Variants in DLG2 observed in about 807,000 individuals in gnomAD.
DLG2 encodes the protein discs large MAGUK scaffold protein 2, also known as disks large homolog 2.
DLG2 carries 45 observed loss-of-function variants against 132.5 expected under a neutral mutation model. The ratio of observed to expected loss-of-function variants is 0.34; its 90% confidence interval spans 0.27 to 0.44. The LOEUF (loss-of-function observed/expected upper bound fraction) is 0.44. DLG2 is among the 20% of genes least tolerant of loss of function. The pLI is 1.00. For missense variants in DLG2, 1,045 were observed against 1,196.9 expected (o/e 0.87, Z 1.87); for synonymous variants, 424 against 419.6 (o/e 1.01, Z -0.13).
intron 6 of DLG2, among the ~76,000 whole-genome samples, chr11:84,983,436 G>C (rs528981148): frequency 7.9e-5 from 12 of 152,186 alleles, no homozygotes; most frequent in African/African-American, 2.4e-4. Context: ...CCTAGGAAAA[G>C]GGGGAGAGTA....
At position 85,181,961 on chromosome 11, in the gene DLG2, T is replaced by C. The variant is rs1182582281; in HGVS notation, c.187-27310A>G. On this transcript the variant is annotated intron_variant, in intron 4 of 27. Transcript: ENST00000376104. Reference sequence around the variant, plus strand: ...GACTGCATAGCATTCTGCTTTTGTATTTTTCAAATTTGCCTCATCTTTGTG... The same window carrying C: ...GACTGCATAGCATTCTGCTTTTGTACTTTTCAAATTTGCCTCATCTTTGTG... 2.0e-5 allele frequency among the ~76,000 whole-genome samples: 3 copies of C among 151,858 alleles called. No homozygotes were observed. In the East Asian group the frequency reaches 5.8e-4, roughly 29 times the overall value.
At chr11:85,181,088 A>C (rs182573374) in intron 4 of DLG2, among the ~76,000 whole-genome samples, 2 of 151,880 alleles carry the variant, frequency 1.3e-5, no homozygotes, top group Admixed American at 6.6e-5. Context: ...ATATTATTCA[A>C]TAATTTTTAT....
chr11:83,845,534 C>T (rs1331438777), intron 16 of DLG2, among the ~76,000 whole-genome samples: 1 of 152,114 alleles, frequency 6.6e-6, no homozygotes, highest in Non-Finnish European at 1.5e-5. Context: ...TGTTGAACTG[C>T]TATTTGAGGA....
At chr11:85,324,576 T>C (rs960186427) in intron 3 of DLG2, among the ~76,000 whole-genome samples, 3 of 152,214 alleles carry the variant, frequency 2.0e-5, no homozygotes, top group Non-Finnish European at 4.4e-5. Context: ...AGCTGAAATC[T>C]AGATTTTTAT....
intron 4 of DLG2, among the ~76,000 whole-genome samples, chr11:85,281,601 G>T (rs186013424): frequency 3.3e-5 from 5 of 151,812 alleles, no homozygotes; most frequent in African/African-American, 1.2e-4. Context: ...TTTCTATTTC[G>T]CTCATAGTAA....
At chr11:85,160,948 T>G (rs920359343) in intron 4 of DLG2, among the ~76,000 whole-genome samples, 1 of 151,916 alleles carries the variant, frequency 6.6e-6, no homozygotes, top group Non-Finnish European at 1.5e-5. Flanking sequence ...GCAGTGTACC[T>G]CGTTCCACAC....
rs190903461 is a variant in DLG2 at position 84,676,068 on chromosome 11, A to G, written c.358-141337T>C. Among the ~76,000 whole-genome samples the G allele has an allele frequency of 2.0e-5, 3 of 152,224 alleles. No homozygotes were observed. In the East Asian group the frequency reaches 5.8e-4, roughly 29 times the overall value. ...CATATTCCAGTCTAGTCTGACCTTT[A>G]CTAGTAACAAGGGTGGTACTATCAT... On this transcript the variant is annotated intron_variant, in intron 6 of 27. Transcript: ENST00000376104.
intron 19 of DLG2, among the ~76,000 whole-genome samples, chr11:83,586,679 A>G (rs2097092149): frequency 6.6e-6 from 1 of 152,208 alleles, no homozygotes; most frequent in African/African-American, 2.4e-5. Flanking sequence ...TAGCAGCTCT[A>G]TAGGGTAGAT....
At chr11:84,187,337 G>A (rs1379069589) in intron 8 of DLG2, among the ~76,000 whole-genome samples, 2 of 151,896 alleles carry the variant, frequency 1.3e-5, no homozygotes, top group African/African-American at 4.8e-5. Context: ...TCTACTTCAA[G>A]AGTATATATT....
rs78699285 is a variant in DLG2, at chr11:85,171,759, T to C, written c.187-17108A>G. On this transcript the variant is annotated intron_variant, in intron 4 of 27. Coordinates refer to ENST00000376104, the MANE Select transcript of DLG2 (RefSeq NM_001142699.3). The stretch of plus-strand genomic sequence containing the variant: ...CAGCCACCATCTCTGAAGTTAAGAG[T>C]GGGCCATTCTACCCTGCCAGCTCCA... Among the ~76,000 whole-genome samples the C allele has an allele frequency of 4.1e-3, 621 of 152,114 alleles. 5 individuals are homozygous for C. Among genetic ancestry groups the C allele is most frequent in the African/African-American group, 0.013 (560 of 41,512 alleles).
chr11:85,413,390 A>G (rs1455404819), intron 3 of DLG2, among the ~76,000 whole-genome samples: 1 of 152,032 alleles, frequency 6.6e-6, no homozygotes, highest in Non-Finnish European at 1.5e-5. Context: ...TTTGCTGTAC[A>G]AAAGCTCTTT....
At chr11:84,985,291 G>T (rs2056327917) in intron 6 of DLG2, among the ~76,000 whole-genome samples, 1 of 152,230 alleles carries the variant, frequency 6.6e-6, no homozygotes, top group East Asian at 1.9e-4. Flanking sequence ...TCAGACCACA[G>T]TGCGTTAAAA....
At chr11:83,662,288 A>G (rs1466869008) in intron 18 of DLG2, among the ~76,000 whole-genome samples, 1 of 152,182 alleles carries the variant, frequency 6.6e-6, no homozygotes. Flanking sequence ...GCAGGTCCAA[A>G]TGTCTTTCAA....
intron 6 of DLG2, among the ~76,000 whole-genome samples, chr11:84,886,014 G>A (rs182969105): frequency 3.9e-5 from 6 of 152,184 alleles, no homozygotes; most frequent in Non-Finnish European, 8.8e-5. Context: ...GATTAGTTAA[G>A]ACAGGGATCT....
intron 10 of DLG2, among the ~76,000 whole-genome samples, chr11:84,095,966 G>C (rs1000593236): frequency 1.3e-5 from 2 of 152,138 alleles, no homozygotes; most frequent in Non-Finnish European, 2.9e-5. Flanking sequence ...GCCAAAAAAA[G>C]GGAAATTGTG....
chr11:84,244,197 C>G (rs2097271665), intron 8 of DLG2, among the ~76,000 whole-genome samples: 1 of 151,004 alleles, frequency 6.6e-6, no homozygotes. Flanking sequence ...TTTTTTTTTT[C>G]CCTGAGGTGG....
At chr11:83,521,306 G>T (rs753788463) in intron 21 of DLG2, among the ~76,000 whole-genome samples, 14 of 152,198 alleles carry the variant, frequency 9.2e-5, no homozygotes, top group Non-Finnish European at 1.8e-4. Context: ...AGTCCTGGGG[G>T]AGAAGTGGAT....
chr11:84,032,038 T>G (rs188934982), intron 11 of DLG2, among the ~76,000 whole-genome samples: 2 of 152,282 alleles, frequency 1.3e-5, no homozygotes, highest in South Asian at 4.1e-4. Flanking sequence ...AATGTGTGTG[T>G]TCTTACTCTA....
At chr11:85,137,844 C>T (rs1053416479) in intron 5 of DLG2, among the ~76,000 whole-genome samples, 9 of 152,194 alleles carry the variant, frequency 5.9e-5, no homozygotes, top group Admixed American at 1.3e-4. Flanking sequence ...GCAGGCAGGT[C>T]ATGGCAAAAT....
Sources: gnomAD v4.1 joint callset for allele counts (sites outside exome capture counted in the v4.1 genomes callset) on GRCh38, gnomAD v4.1.1 for gene constraint, MANE v1.5 for transcripts, NCBI Gene and HGNC (gene_info 2026-07-23, HGNC 2026-07-21) for gene names.